Variants in BTBD10 observed in about 807,000 individuals in gnomAD.
The protein encoded by BTBD10 is BTB domain containing 10.
A neutral mutation model predicts 53.2 loss-of-function variants in BTBD10; 21 were observed. The observed-to-expected ratio is 0.39, with a 90% CI of 0.28 to 0.57. BTBD10 has a LOEUF of 0.57. BTBD10 is among the 20% of genes least tolerant of loss of function. BTBD10 has a pLI of 0.53. For synonymous variants in BTBD10, 149 were observed against 192.7 expected (o/e 0.77, Z 1.88); for missense variants, 360 against 594.7 (o/e 0.61, Z 4.10).
chr11:13,425,412 T>C (rs575469862), intron 2 of BTBD10, among the ~76,000 whole-genome samples: 1 of 152,188 alleles, frequency 6.6e-6, no homozygotes, highest in Admixed American at 6.5e-5. Context: ...ATTTACAATG[T>C]ATGGCATCCA....
At chr11:13,396,606 C>T (rs1259333934) in intron 8 of BTBD10, among the ~76,000 whole-genome samples, 1 of 152,160 alleles carries the variant, frequency 6.6e-6, no homozygotes, top group Non-Finnish European at 1.5e-5. Context: ...AGAGGGCATC[C>T]CTTTCTTGTG....
rs574743744 is a variant in BTBD10 at position 13,398,689 on chromosome 11, C to A, written c.1117+4479G>T. Among the ~76,000 whole-genome samples, 3 of 152,296 alleles carry A rather than the reference C, an allele frequency of 2.0e-5. No individual in the cohort carries two copies. The South Asian group carries it at 6.2e-4, about 32-fold the overall frequency. Reference sequence around the variant, plus strand: ...TTTGCAGTGGCTGGTACTGGTTGTTCCTTCCCATATTTAGTGCTTCCTTCA... The same window carrying A: ...TTTGCAGTGGCTGGTACTGGTTGTTACTTCCCATATTTAGTGCTTCCTTCA... On this transcript the variant is annotated intron_variant, in intron 8 of 8. Coordinates refer to ENST00000278174, the MANE Select transcript of BTBD10 (RefSeq NM_032320.7).
At chr11:13,394,143 C>T (rs146026193) in intron 8 of BTBD10, among the ~76,000 whole-genome samples, 2 of 152,242 alleles carry the variant, frequency 1.3e-5, no homozygotes, top group East Asian at 1.9e-4. Context: ...CAAAATAATA[C>T]CGCACAAAGG....
chr11:13,423,424 T>C (rs745879812), intron 2 of BTBD10, among the ~76,000 whole-genome samples: 1 of 152,314 alleles, frequency 6.6e-6, no homozygotes, highest in Non-Finnish European at 1.5e-5. Flanking sequence ...ATAAGTAAGC[T>C]GACCAGCAAC....
At position 13,419,450 on chromosome 11, in the gene BTBD10, T is replaced by C. The variant is rs1950196032; in HGVS notation, c.584+10A>G. 2.5e-6 allele frequency: 4 copies of C among 1,601,636 alleles called. No homozygotes were observed. The highest frequency in any genetic ancestry group is 2.3e-5 in the East Asian group (1 of 44,184). ...TAATTAGTAATGCAAATAACTGCAATAATACAAACCTGCCCAACATTGTAT... is the reference window on the plus strand; with the variant it reads ...TAATTAGTAATGCAAATAACTGCAACAATACAAACCTGCCCAACATTGTAT... On this transcript the variant is annotated intron_variant, in intron 4 of 8. Transcript: ENST00000278174.
intron 1 of BTBD10, among the ~76,000 whole-genome samples, chr11:13,460,770 A>C (rs1489605877): frequency 3.3e-5 from 5 of 152,352 alleles, no homozygotes; most frequent in Middle Eastern, 3.4e-3. Context: ...CCAGTAAGTC[A>C]ATGCCTAGGA....
chr11:13,421,819 T>C lies in BTBD10; in HGVS notation c.121A>G (p.Lys41Glu). 2 of 1,612,852 alleles carry C rather than the reference T, an allele frequency of 1.2e-6. No homozygotes were observed. The highest frequency in any genetic ancestry group is 2.2e-5 in the East Asian group (1 of 44,810). Reference sequence around the variant, plus strand: ...ATTTTGGTGTGGTCAACTCCTCCTTTAGCAATACGCGAGGAAGTACTGATA... The same window carrying C: ...ATTTTGGTGTGGTCAACTCCTCCTTCAGCAATACGCGAGGAAGTACTGATA... ...KHSSTSSRIA[K>E]GGVDHTKMSL... is the part of the protein sequence containing the mutation. The change falls in exon 3 of 9, where the codon AAA (lysine) becomes GAA (glutamate). Residue 41 changes from lysine to glutamate, a missense_variant. By Grantham distance (56) the Lys-to-Glu change is moderately conservative. Coordinates refer to ENST00000278174, the MANE Select transcript of BTBD10 (RefSeq NM_032320.7).
intron 8 of BTBD10, among the ~76,000 whole-genome samples, chr11:13,402,545 A>G (rs1442885258): frequency 6.6e-6 from 1 of 152,180 alleles, no homozygotes; most frequent in Non-Finnish European, 1.5e-5. Flanking sequence ...TTACATTGTC[A>G]TGTTATATCA....
At chr11:13,416,361 A>AAAC (rs200903177) in intron 5 of BTBD10, among the ~76,000 whole-genome samples, 7 of 152,180 alleles carry the variant, frequency 4.6e-5, no homozygotes, top group Non-Finnish European at 7.4e-5. Flanking sequence ...CTGGGGCAAA[A>AAAC]AACAACAACA....
At chr11:13,413,160 C>T (rs905810454) in intron 6 of BTBD10, among the ~76,000 whole-genome samples, 8 of 151,842 alleles carry the variant, frequency 5.3e-5, no homozygotes, top group African/African-American at 1.9e-4. Flanking sequence ...CGTGGTAATA[C>T]AAAAAATTAT....
intron 2 of BTBD10, among the ~76,000 whole-genome samples, chr11:13,423,992 A>C (rs117021493): frequency 0.021 from 3,217 of 151,448 alleles, 53 homozygotes; most frequent in Middle Eastern, 0.034. Flanking sequence ...AAACAGATCA[A>C]AAGATCCTAC....
intron 1 of BTBD10, among the ~76,000 whole-genome samples, chr11:13,461,911 A>G (rs2134074473): frequency 6.6e-6 from 1 of 151,640 alleles, no homozygotes; most frequent in East Asian, 1.9e-4. Context: ...TTACATCATC[A>G]GAAATAATTC....
chr11:13,438,296 T>C lies in BTBD10; in HGVS notation c.101+6728A>G, dbSNP rs543203201. Among the ~76,000 whole-genome samples, 3 of 152,208 alleles carry C rather than the reference T, an allele frequency of 2.0e-5. No individual in the cohort carries two copies. In the South Asian group the frequency reaches 6.2e-4, roughly 32 times the overall value. ...TTTGCTTTGCTTTAAAAGTAATGTGTATGTCTTTAAAGGGTTCACTGTGTA... is the reference window on the plus strand; with the variant it reads ...TTTGCTTTGCTTTAAAAGTAATGTGCATGTCTTTAAAGGGTTCACTGTGTA... On this transcript the variant is annotated intron_variant, in intron 2 of 8. Transcript: ENST00000278174.
At chr11:13,418,988 TTTTA>T (rs910147024) in intron 4 of BTBD10, among the ~76,000 whole-genome samples, 7 of 148,840 alleles carry the variant, frequency 4.7e-5, no homozygotes, top group African/African-American at 1.7e-4. Context: ...TTTTTTTTTT[TTTTA>T]AAAGTATCTA....
chr11:13,416,536 T>G (rs1950117455), intron 5 of BTBD10, among the ~76,000 whole-genome samples: 1 of 152,180 alleles, frequency 6.6e-6, no homozygotes, highest in South Asian at 2.1e-4. Context: ...ATTTACTGTA[T>G]TTAGGAGAAA....
intron 5 of BTBD10, among the ~76,000 whole-genome samples, chr11:13,415,070 G>A (rs1051240303): frequency 1.1e-4 from 16 of 151,054 alleles, no homozygotes; most frequent in Admixed American, 5.3e-4. Context: ...GGTATTTTCA[G>A]GCTGTGGCAC....
chr11:13,449,656 T>C (rs1950817648), intron 1 of BTBD10, among the ~76,000 whole-genome samples: 1 of 152,160 alleles, frequency 6.6e-6, no homozygotes, highest in African/African-American at 2.4e-5. Flanking sequence ...TGAACAGGAA[T>C]TTATTTAGCT....
chr11:13,425,286 C>T (rs889468920), intron 2 of BTBD10, among the ~76,000 whole-genome samples: 10 of 152,108 alleles, frequency 6.6e-5, no homozygotes, highest in Non-Finnish European at 1.5e-5. Flanking sequence ...TGTTCCAGTT[C>T]CCCTAATAAA....
intron 1 of BTBD10, among the ~76,000 whole-genome samples, chr11:13,457,874 T>C (rs990843634): frequency 1.3e-5 from 2 of 152,202 alleles, no homozygotes; most frequent in African/African-American, 4.8e-5. Flanking sequence ...ACCATTTTCT[T>C]CTTTGCCCTT....
Sources: allele counts gnomAD v4.1 joint callset (sites outside exome capture counted in the v4.1 genomes callset), GRCh38; gene constraint gnomAD v4.1.1; transcripts MANE v1.5; gene names NCBI Gene and HGNC (gene_info 2026-07-23, HGNC 2026-07-21).